The following TYRO3 variants were observed in gnomAD, a reference collection of about 807,000 sequenced individuals.
TYRO3 encodes TYRO3 protein tyrosine kinase.
Under a neutral mutation model 95.2 loss-of-function variants are expected in TYRO3, and 38 were observed. The observed-to-expected ratio is 0.40, with a 90% CI of 0.31 to 0.52. TYRO3 has a LOEUF of 0.52. TYRO3 is among the 20% of genes least tolerant of loss of function. TYRO3 has a pLI of 0.56. For synonymous variants in TYRO3, 367 were observed against 432.9 expected (o/e 0.85, Z 1.89); for missense variants, 812 against 1,116.4 (o/e 0.73, Z 3.89).
chr15:41,578,110 G>C lies in TYRO3; in HGVS notation c.2507G>C (p.Gly836Ala). Residue 836 changes from glycine to alanine, a missense_variant, in exon 19 of 19, where the codon GGC becomes GCC. By Grantham distance (60) the Gly-to-Ala change is moderately conservative. Coordinates refer to ENST00000263798, the MANE Select transcript of TYRO3 (RefSeq NM_006293.4). ...TACAGTGGGGCTGGGGATGGCAGTG[G>C]CATGGGGGCAGTGGGTGGCACTCCC... ...QPYSGAGDGS[G>A]MGAVGGTPSD... 1.2e-6 allele frequency: 2 copies of C among 1,613,930 alleles called. No individual in the cohort carries two copies. Among genetic ancestry groups the C allele is most frequent in the Non-Finnish European group, 1.7e-6 (2 of 1,180,020 alleles).
chr15:41,560,729 GCAGCAATTCAGGGT>G (rs2055642265), intron 1 of TYRO3, among the ~76,000 whole-genome samples: 1 of 152,176 alleles, frequency 6.6e-6, no homozygotes. Flanking sequence ...GAGGGTGCTG[GCAGCAATTCAGGGT>G]CTGGGCTGAC....
Position 41,578,324 on chromosome 15 carries a change from C to G in TYRO3, c.*48C>G. On this transcript the variant is annotated 3_prime_UTR_variant, in exon 19 of 19. Coordinates refer to ENST00000263798, the MANE Select transcript of TYRO3 (RefSeq NM_006293.4). ...GCCATTTGGCCGGCTCTGGTGGCCA[C>G]TGAGCTGGCTGACTAAGCCCCGTCT... 1 of 1,607,490 alleles carries G rather than the reference C, an allele frequency of 6.2e-7. No individual in the cohort carries two copies. Among genetic ancestry groups the G allele is most frequent in the Non-Finnish European group, 8.5e-7 (1 of 1,177,036 alleles).
At position 41,578,592 on chromosome 15, in the gene TYRO3, G is replaced by T; in HGVS notation, c.*316G>T. On this transcript the variant is annotated 3_prime_UTR_variant, in exon 19 of 19. Coordinates refer to ENST00000263798, the MANE Select transcript of TYRO3 (RefSeq NM_006293.4). Reference sequence around the variant, plus strand: ...GGTTACCATGGGTGTGGATGGCAGTGTGGGGAGGGCAGGTCCAGCTCTGTG... The same window carrying T: ...GGTTACCATGGGTGTGGATGGCAGTTTGGGGAGGGCAGGTCCAGCTCTGTG... The T allele has an allele frequency of 2.3e-6, 1 of 434,286 alleles. No homozygotes were observed. The highest frequency in any genetic ancestry group is 4.2e-6 in the Non-Finnish European group (1 of 240,962). The allele number at this position is 434,286 out of a possible 1,614,324, so 26.9% of individuals were successfully genotyped here. A position where few individuals can be genotyped will look rare whatever the true frequency, so the allele number is the denominator to read the frequency against.
At position 41,570,610 on chromosome 15, in the gene TYRO3, G is replaced by A; in HGVS notation, c.1490G>A (p.Ser497Asn). The change falls in exon 12 of 19, where the codon AGC becomes AAC. Residue 497 changes from serine to asparagine, a missense_variant. Transcript: ENST00000263798. ...RPERIEATLD[S>N]LGISDELKEK... is the part of the protein sequence containing the mutation. Reference sequence around the variant, plus strand: ...ACAAACCCTTTCCCCACAGTGGACAGCTTGGGCATCAGCGATGAACTAAAG... The same window carrying A: ...ACAAACCCTTTCCCCACAGTGGACAACTTGGGCATCAGCGATGAACTAAAG... 1 of 1,614,158 alleles carries A rather than the reference G, an allele frequency of 6.2e-7. No homozygotes were observed. Among genetic ancestry groups the A allele is most frequent in the Non-Finnish European group, 8.5e-7 (1 of 1,180,006 alleles).
chr15:41,575,561 C>T (rs928488245), intron 18 of TYRO3, among the ~76,000 whole-genome samples: 1 of 152,218 alleles, frequency 6.6e-6, no homozygotes, highest in East Asian at 1.9e-4. Flanking sequence ...CCCATTCCCA[C>T]GACCTGTTCA....
chr15:41,564,838 C>A (rs2055701741), intron 5 of TYRO3, 188 bp from the exon 6 acceptor site: 1 of 586,902 alleles, frequency 1.7e-6, no homozygotes. Flanking sequence ...GGCACTCTCC[C>A]AGGTGTGAGC....
Position 41,562,591 on chromosome 15 carries a change from A to T in TYRO3, c.453A>T (p.Pro151=). ...TGGAGCCAAAAGATCTGGCAGTGCC[A>T]CCCAATGCCCCTTTCCAACTGTCTT... ...FTVEPKDLAV[P]PNAPFQLSCE... Residue 151 remains proline, a synonymous_variant, in exon 4 of 19, where the codon CCA becomes CCT. Transcript: ENST00000263798. 1 of 1,613,462 alleles carries T rather than the reference A, an allele frequency of 6.2e-7. No homozygotes were observed. The highest frequency in any genetic ancestry group is 8.5e-7 in the Non-Finnish European group (1 of 1,180,038).
chr15:41,572,194 T>C (rs1024698215), intron 14 of TYRO3, among the ~76,000 whole-genome samples: 1 of 151,964 alleles, frequency 6.6e-6, no homozygotes, highest in African/African-American at 2.4e-5. Flanking sequence ...AGATACTGTT[T>C]CAGAAAAAAC....
intron 6 of TYRO3, among the ~76,000 whole-genome samples, chr15:41,566,679 T>C (rs1221273113): frequency 6.6e-6 from 1 of 152,224 alleles, no homozygotes; most frequent in East Asian, 1.9e-4. Flanking sequence ...CCCCTCATGG[T>C]GCAGACCTTG....
At chr15:41,566,711 T>C (rs2140824305) in intron 6 of TYRO3, among the ~76,000 whole-genome samples, 2 of 152,372 alleles carry the variant, frequency 1.3e-5, no homozygotes, top group Admixed American at 1.3e-4. Context: ...GCTCTTCCAG[T>C]GCCTCCTCAT....
rs1340131006 is a variant in TYRO3 at position 41,579,084 on chromosome 15, A to G, written c.*808A>G. On this transcript the variant is annotated 3_prime_UTR_variant, in exon 19 of 19. Coordinates refer to ENST00000263798, the MANE Select transcript of TYRO3 (RefSeq NM_006293.4). ...ATCTCAAAATATCCTAAGACTAACA[A>G]AGGCAGCTGTGTCTGAGCCCAACCC... 5 of 152,462 alleles carry G rather than the reference A, an allele frequency of 3.3e-5. No individual in the cohort carries two copies. Among genetic ancestry groups the G allele is most frequent in the Non-Finnish European group, 7.3e-5 (5 of 68,242 alleles). The allele number at this position is 152,462 out of a possible 1,614,324, so 9.4% of individuals were successfully genotyped here.
rs780094965 is a variant in TYRO3 at position 41,572,573 on chromosome 15, C to G, written c.1875+9C>G. 3 of 1,613,982 alleles carry G rather than the reference C, an allele frequency of 1.9e-6. No individual in the cohort carries two copies. Among genetic ancestry groups the G allele is most frequent in the Non-Finnish European group, 1.7e-6 (2 of 1,180,014 alleles). On this transcript the variant is annotated intron_variant, in intron 15 of 18. Coordinates refer to ENST00000263798, the MANE Select transcript of TYRO3 (RefSeq NM_006293.4). ...TTGGGGAGAACCCCTTTGTGAGTAC[C>G]TGGTGTGGGGGTGGCCAGGAGGAAA...
At chr15:41,562,870 A>C in intron 4 of TYRO3, 152 bp downstream of exon 4, 248 of 795,670 alleles carry the variant, frequency 3.1e-4, no homozygotes, top group Non-Finnish European at 4.1e-4. Context: ...TACTAAGCTC[A>C]TTAGTCAGGT....
In TYRO3 at chr15:41,578,061, G is replaced by C. The variant is rs745886196; in HGVS notation, c.2458G>C (p.Glu820Gln). The change falls in exon 19 of 19, where the codon GAG becomes CAG. Residue 820 changes from glutamate (E) to glutamine (Q), a missense_variant. Transcript: ENST00000263798. ...GGAGCCCACTGCGGGAGGCAGCCTG[G>C]AGCTACCTGGCAGGGATCAGCCCTA... ...AEEPTAGGSLELPGRDQPYSG... is the reference protein window; with the variant it reads ...AEEPTAGGSLQLPGRDQPYSG... The C allele has an allele frequency of 1.8e-5, 29 of 1,613,960 alleles. No individual in the cohort carries two copies. The Admixed American group carries it at 4.2e-4, about 23-fold the overall frequency.
chr15:41,566,080 A>G (rs1459388216), intron 6 of TYRO3, among the ~76,000 whole-genome samples: 1 of 152,082 alleles, frequency 6.6e-6, no homozygotes, highest in Non-Finnish European at 1.5e-5. Context: ...TGGGAGGTGG[A>G]GACGGGAGGA....
chr15:41,561,285 G>C lies in TYRO3; in HGVS notation c.283G>C (p.Glu95Gln). The change falls in exon 2 of 19, where the codon GAG becomes CAG. Residue 95 changes from glutamate to glutamine, a missense_variant. By Grantham distance (29) the Glu-to-Gln change is conservative (BLOSUM62 2). Coordinates refer to ENST00000263798, the MANE Select transcript of TYRO3 (RefSeq NM_006293.4). ...GGACCAGTTGTACATCCCAGTCAGC[G>C]AGCAGCACTGGATCGGCTTCCTCAG... is the stretch of plus-strand genomic sequence containing the variant. ...NLDQLYIPVS[E>Q]QHWIGFLSLK... 1.2e-6 allele frequency: 2 copies of C among 1,613,704 alleles called. No individual in the cohort carries two copies. The highest frequency in any genetic ancestry group is 8.5e-7 in the Non-Finnish European group (1 of 1,179,704).
intron 1 of TYRO3, among the ~76,000 whole-genome samples, chr15:41,560,084 T>C (rs941221076): frequency 2.0e-5 from 3 of 152,162 alleles, no homozygotes; most frequent in Admixed American, 1.3e-4. Flanking sequence ...GCCCCCATCC[T>C]GTGACTGGTC....
At chr15:41,572,685 A>G in intron 15 of TYRO3, 121 bp downstream of exon 15, 1 of 1,300,990 alleles carries the variant, frequency 7.7e-7, no homozygotes, top group Non-Finnish European at 1.1e-6. Flanking sequence ...GGGTGGGAGT[A>G]GGAGGGGTCT....
At position 41,573,926 on chromosome 15, in the gene TYRO3, C is replaced by G. The variant is rs372359928; in HGVS notation, c.2282+111C>G. ...ACCTTTGTTTTTTGATAGAAACATC[C>G]TTGTAGTTGGAAGGCTGCACTCCAC... On this transcript the variant is annotated intron_variant, in intron 18 of 18. Coordinates refer to ENST00000263798, the MANE Select transcript of TYRO3 (RefSeq NM_006293.4). 6.5e-4 allele frequency: 815 copies of G among 1,259,488 alleles called. 7 individuals carry two copies. In the South Asian group the frequency reaches 8.5e-3, roughly 13 times the overall value. 78.0% of individuals were successfully genotyped at this position (1,259,488 alleles called of 1,614,324 possible).
Sources: gnomAD v4.1 joint callset for allele counts (sites outside exome capture counted in the v4.1 genomes callset) on GRCh38, gnomAD v4.1.1 for gene constraint, MANE v1.5 for transcripts, NCBI Gene and HGNC (gene_info 2026-07-23, HGNC 2026-07-21) for gene names.